The following TM2D2 variants were observed in gnomAD, a reference collection of about 807,000 sequenced individuals.
TM2D2 encodes TM2 domain-containing protein 2.
TM2D2 carries 19 observed loss-of-function variants against 23.0 expected under a neutral mutation model. The observed-to-expected ratio is 0.82, with a 90% CI of 0.58 to 1.21. The LOEUF (loss-of-function observed/expected upper bound fraction) is 1.21, where lower values mean the gene tolerates loss of function less well. Among genes scored for constraint, TM2D2 ranks in the 50% most tolerant of loss-of-function variants. The probability of loss-of-function intolerance (pLI) is 0.00; values close to 1 mark genes in which losing one functional copy is unlikely to be tolerated. For synonymous variants in TM2D2, 120 were observed against 108.8 expected (o/e 1.10, Z -0.64); for missense variants, 246 against 265.4 (o/e 0.93, Z 0.51).
chr8:38,995,365 C>T lies in TM2D2; in HGVS notation c.268G>A (p.Val90Ile). The T allele has an allele frequency of 6.2e-7, 1 of 1,607,664 alleles. No individual in the cohort carries two copies. Among genetic ancestry groups the T allele is most frequent in the Non-Finnish European group, 8.5e-7 (1 of 1,178,138 alleles). Reference protein sequence around the residue: ...FIECEDPVDHVGNATASQELG... With the variant: ...FIECEDPVDHIGNATASQELG... The stretch of plus-strand genomic sequence containing the variant: ...TCCTGGGATGCAGTTGCATTTCCAA[C>T]ATGATCCACTGGGTCTTCACATTCT... The change falls in exon 2 of 4, where the codon GTT (valine) becomes ATT (isoleucine). Residue 90 changes from valine to isoleucine, a missense_variant. This residue lies in a region of TM2D2 where 212 missense variants were observed against 202.2 expected (regional missense o/e 1.05). Transcript: ENST00000456397.
rs536306276 is a variant in TM2D2 at position 38,996,449 on chromosome 8, C to A, written c.-10G>T. 4 of 1,613,810 alleles carry A rather than the reference C, an allele frequency of 2.5e-6. No homozygotes were observed. The highest frequency in any genetic ancestry group is 3.3e-5 in the Admixed American group (2 of 60,028). The stretch of plus-strand genomic sequence containing the variant: ...AACCACCTAGCACCATCTTCCCGGG[C>A]ACAGGAGCGGAGACCCGGCCTCAAC... On this transcript the variant is annotated 5_prime_UTR_variant, in exon 1 of 4. Transcript: ENST00000456397.
At chr8:38,996,841 A>G, upstream of TM2D2, 1 of 1,441,028 alleles carries the variant, frequency 6.9e-7, no homozygotes, top group Non-Finnish European at 9.1e-7. Context: ...CGCGCCGGGG[A>G]CTGGATTTTT....
chr8:38,996,751 G>A, upstream of TM2D2: 1 of 1,419,200 alleles, frequency 7.0e-7, no homozygotes, highest in East Asian at 2.6e-5. Flanking sequence ...GGGCGTGCCC[G>A]GCAGCCGACG....
At chr8:38,993,213 A>G (rs994324808) in intron 3 of TM2D2, among the ~76,000 whole-genome samples, 19 of 152,260 alleles carry the variant, frequency 1.2e-4, no homozygotes, top group Non-Finnish European at 1.2e-4. Context: ...AGTCCTCTCT[A>G]CTATAAACAT....
chr8:38,991,530 G>A lies in TM2D2; in HGVS notation c.447C>T (p.Tyr149=). Residue 149 remains tyrosine, a synonymous_variant, in exon 4 of 4, where the codon TAC becomes TAT. Transcript: ENST00000456397. ...AGGAGTAGAGTAAAGTGGTTATGAAGTAGTGTCCGGTATACCTAGGTGAAA... is the reference window on the plus strand; with the variant it reads ...AGGAGTAGAGTAAAGTGGTTATGAAATAGTGTCCGGTATACCTAGGTGAAA... The part of the protein sequence containing the change: ...NKPCIKYTGH[Y]FITTLLYSFF... 3 of 1,612,874 alleles carry A rather than the reference G, an allele frequency of 1.9e-6. No individual in the cohort carries two copies. The highest frequency in any genetic ancestry group is 1.7e-5 in the Admixed American group (1 of 60,014).
chr8:38,996,775 A>T, upstream of TM2D2: 7 of 1,413,944 alleles, frequency 5.0e-6, no homozygotes, highest in Non-Finnish European at 6.4e-6. Context: ...CGGGGCGGAT[A>T]TGACTGGCGG....
upstream of TM2D2, chr8:38,996,791 C>G: frequency 1.4e-6 from 2 of 1,426,398 alleles, no homozygotes; most frequent in Non-Finnish European, 1.8e-6. Flanking sequence ...GGCGGGCCGA[C>G]TAGTGCTGGT....
chr8:38,994,878 G>A (rs1254782733), intron 2 of TM2D2, among the ~76,000 whole-genome samples: 2 of 152,194 alleles, frequency 1.3e-5, no homozygotes, highest in African/African-American at 4.8e-5. Flanking sequence ...CGGACATGGT[G>A]GAACCTGTTT....
rs1259101015 is a variant in TM2D2, at chr8:38,988,808, T to C, written c.*2524A>G. ...GGAAGAAGAACACAGTGCCAGGAAA[T>C]CTGGGGGAACTGATAACATTTTATT... On this transcript the variant is annotated 3_prime_UTR_variant, in exon 4 of 4. Transcript: ENST00000456397. 1 of 152,072 alleles carries C rather than the reference T, an allele frequency of 6.6e-6. No homozygotes were observed. The highest frequency in any genetic ancestry group is 1.5e-5 in the Non-Finnish European group (1 of 68,034). The allele number at this position is 152,072 out of a possible 1,614,324, so 9.4% of individuals were successfully genotyped here. A position where few individuals can be genotyped will look rare whatever the true frequency, so the allele number is the denominator to read the frequency against.
chr8:38,993,858 A>T (rs1835677775), intron 2 of TM2D2, 198 bp from the exon 3 acceptor site: 4 of 381,094 alleles, frequency 1.0e-5, no homozygotes, highest in Non-Finnish European at 1.9e-5. Context: ...ACTGTCTTAA[A>T]TAAACTCCTG....
At chr8:38,996,641 G>T (rs1835812789), upstream of TM2D2, 1 of 1,432,374 alleles carries the variant, frequency 7.0e-7, no homozygotes, top group East Asian at 2.5e-5. Flanking sequence ...GGGCTACTCC[G>T]CCCTCTGCTT....
rs758123969 is a variant in TM2D2, at chr8:38,991,478, G to A, written c.499C>T (p.Arg167Ter). Residue 167 changes from arginine (R) to a stop codon, truncating the protein, a stop_gained, in exon 4 of 4, where the codon CGA becomes TGA. Coordinates refer to ENST00000456397, the MANE Select transcript of TM2D2 (RefSeq NM_078473.3). LOFTEE classifies it high-confidence loss of function. ...SFFLGCFGVD[R>*]FCLGHTGTAV... ...GTGCCAGTGTGTCCCAAACAGAATC[G>A]ATCCACACCAAAACATCCCAGGAAG... The A allele has an allele frequency of 1.9e-6, 3 of 1,614,050 alleles. No homozygotes were observed. Among genetic ancestry groups the A allele is most frequent in the Non-Finnish European group, 2.5e-6 (3 of 1,179,974 alleles).
At chr8:38,993,437 C>T in intron 3 of TM2D2, 108 bp downstream of exon 3, 2 of 734,426 alleles carry the variant, frequency 2.7e-6, no homozygotes, top group Non-Finnish European at 4.2e-6. Context: ...GCCTGGGTAA[C>T]AGAGTGAGAC....
rs1835667529 is a variant in TM2D2, at chr8:38,993,583, A to G, written c.393T>C (p.Ser131=). Residue 131 remains serine (S), a synonymous_variant, in exon 3 of 4, where the codon AGT becomes AGC. Transcript: ENST00000456397. The stretch of plus-strand genomic sequence containing the variant: ...TATTTTCTCGTAGAAAGGTCCTAGG[A>G]CTGGCACACTCAATTCCATCTAAGG... The part of the protein sequence containing the change: ...CHALDGIECA[S]PRTFLRENKP... The G allele has an allele frequency of 1.9e-6, 3 of 1,613,960 alleles. No individual in the cohort carries two copies. Among genetic ancestry groups the G allele is most frequent in the African/African-American group, 1.3e-5 (1 of 75,056 alleles).
rs756146562 is a variant in TM2D2, at chr8:38,996,273, C to T, written c.167G>A (p.Gly56Glu). The change falls in exon 1 of 4, where the codon GGG (glycine) becomes GAG (glutamate). Residue 56 changes from glycine (G) to glutamate (E), a missense_variant. This residue lies in a region of TM2D2 where 212 missense variants were observed against 202.2 expected (regional missense o/e 1.05). Transcript: ENST00000456397. The stretch of plus-strand genomic sequence containing the variant: ...GCCATATTCCCAGCTCGCAGCACCC[C>T]CGGGGCCCTCCGGCTGGGCGGCGCC... ...SAGAAQPEGP[G>E]GAASWEYGDP... The T allele has an allele frequency of 3.7e-6, 6 of 1,613,904 alleles. No individual in the cohort carries two copies. The highest frequency in any genetic ancestry group is 2.5e-6 in the Non-Finnish European group (3 of 1,180,002).
At position 38,989,857 on chromosome 8, in the gene TM2D2, T is replaced by C. The variant is rs1835553386; in HGVS notation, c.*1475A>G. 6.6e-6 allele frequency: 1 copy of C among 152,000 alleles called. No homozygotes were observed. The highest frequency in any genetic ancestry group is 2.4e-5 in the African/African-American group (1 of 41,438). 9.4% of individuals were successfully genotyped at this position (152,000 alleles called of 1,614,324 possible). A position where few individuals can be genotyped will look rare whatever the true frequency, so the allele number is the denominator to read the frequency against. On this transcript the variant is annotated 3_prime_UTR_variant, in exon 4 of 4. Transcript: ENST00000456397. ...ATAAATTTATAGGGTACCAGTACAA[T>C]TTTATTTCATGCATAAATTGTGTAG...
intron 1 of TM2D2, chr8:38,995,879 A>G: frequency 2.0e-6 from 2 of 990,570 alleles, no homozygotes; most frequent in South Asian, 4.7e-5. Context: ...TGCCTTACTC[A>G]GTACTGGCAC....
Position 38,996,229 on chromosome 8 carries a change from T to C in TM2D2, c.211A>G (p.Ile71Val), listed in dbSNP as rs560209396. 5 of 1,613,692 alleles carry C rather than the reference T, an allele frequency of 3.1e-6. No homozygotes were observed. The East Asian group carries it at 6.7e-5, about 22-fold the overall frequency. Reference protein sequence around the residue: ...WEYGDPHSPVILCSYLPDEFI... With the variant: ...WEYGDPHSPVVLCSYLPDEFI... ...GTAGCTTACAGGTAAGAGCAGAGGA[T>C]GACCGGAGAGTGGGGGTCGCCATAT... The change falls in exon 1 of 4, where the codon ATC (isoleucine) becomes GTC (valine). Residue 71 changes from isoleucine (I) to valine (V), a missense_variant. Ile to Val is a conservative substitution (Grantham distance 29). This residue lies in a region of TM2D2 where 212 missense variants were observed against 202.2 expected (regional missense o/e 1.05). Transcript: ENST00000456397.
chr8:38,994,942 G>A (rs1415736347), intron 2 of TM2D2, among the ~76,000 whole-genome samples: 1 of 152,224 alleles, frequency 6.6e-6, no homozygotes, highest in African/African-American at 2.4e-5. Context: ...AAATGCATGT[G>A]TAACAAAGAT....
Sources: allele counts gnomAD v4.1 joint callset (sites outside exome capture counted in the v4.1 genomes callset), GRCh38; gene constraint gnomAD v4.1.1; regional missense constraint gnomAD v4.1.1; transcripts MANE v1.5; gene names NCBI Gene and HGNC (gene_info 2026-07-23, HGNC 2026-07-21).